Variants in HNF4A observed in about 807,000 individuals in gnomAD.
The protein encoded by HNF4A is hepatocyte nuclear factor 4 alpha, also known as hepatocyte nuclear factor 4-alpha.
HNF4A carries 15 observed loss-of-function variants against 52.4 expected under a neutral mutation model. That is an observed-to-expected ratio of 0.29 (90% confidence interval 0.19 to 0.44). HNF4A has a LOEUF of 0.44. HNF4A is among the 20% of genes least tolerant of loss of function. The pLI, the probability that HNF4A is intolerant of heterozygous loss-of-function variation, is 1.00. For missense variants in HNF4A, 479 were observed against 647.2 expected (o/e 0.74, Z 2.82); for synonymous variants, 280 against 264.4 (o/e 1.06, Z -0.57).
chr20:44,424,238 G>A lies in HNF4A; in HGVS notation c.1113G>A (p.Gln371=), dbSNP rs1161214915. Residue 371 remains glutamine, a synonymous_variant, in exon 8 of 10, where the codon CAG becomes CAA. Coordinates refer to ENST00000316099, the MANE Select transcript of HNF4A (RefSeq NM_000457.6). Reference sequence around the variant, plus strand: ...TGGCCAAGATTGACAACCTGTTGCAGGAGATGCTGCTGGGAGGTCCGTGCC... The same window carrying A: ...TGGCCAAGATTGACAACCTGTTGCAAGAGATGCTGCTGGGAGGTCCGTGCC... 6.2e-7 allele frequency: 1 copy of A among 1,614,058 alleles called. No homozygotes were observed. Among genetic ancestry groups the A allele is most frequent in the African/African-American group, 1.3e-5 (1 of 75,074 alleles).
chr20:44,396,233 A>C (rs2063351983), intron 1 of HNF4A, among the ~76,000 whole-genome samples: 1 of 152,190 alleles, frequency 6.6e-6, no homozygotes, highest in Non-Finnish European at 1.5e-5. Flanking sequence ...CATCATCTTT[A>C]AAATGGGGAT....
intron 1 of HNF4A, among the ~76,000 whole-genome samples, chr20:44,375,176 ATCT>A (rs2063071832): frequency 6.6e-6 from 1 of 152,112 alleles, no homozygotes; most frequent in African/African-American, 2.4e-5. Flanking sequence ...CCGCTTGTAC[ATCT>A]TCTTTTGAGA....
chr20:44,379,795 G>A (rs907601561), intron 1 of HNF4A, among the ~76,000 whole-genome samples: 1 of 148,642 alleles, frequency 6.7e-6, no homozygotes, highest in South Asian at 2.1e-4. Context: ...GTGCAGTGGC[G>A]CGATCTTGGC....
chr20:44,398,902 C>T (rs954041622), upstream of HNF4A, among the ~76,000 whole-genome samples: 17 of 152,184 alleles, frequency 1.1e-4, no homozygotes, highest in African/African-American at 3.1e-4. Context: ...ATCACATTCC[C>T]CGTTAAGCAA....
chr20:44,426,203 T>C (rs984838165), intron 8 of HNF4A, among the ~76,000 whole-genome samples: 1 of 151,940 alleles, frequency 6.6e-6, no homozygotes, highest in African/African-American at 2.4e-5. Context: ...GGTGTTAAAC[T>C]CTACAGAGAA....
At chr20:44,413,836 C>T in intron 4 of HNF4A, 36 bp downstream of exon 4, 3 of 1,419,928 alleles carry the variant, frequency 2.1e-6, no homozygotes, top group Non-Finnish European at 2.0e-6. Flanking sequence ...CCAGGGATCC[C>T]CCACACTACA....
intron 1 of HNF4A, among the ~76,000 whole-genome samples, chr20:44,370,471 A>C (rs2063022833): frequency 6.6e-6 from 1 of 152,268 alleles, no homozygotes; most frequent in South Asian, 2.1e-4. Context: ...CCTTAGTTCA[A>C]ATGTCCTCCA....
At chr20:44,385,857 A>AT (rs1456105123) in intron 1 of HNF4A, among the ~76,000 whole-genome samples, 3 of 149,782 alleles carry the variant, frequency 2.0e-5, no homozygotes, top group Admixed American at 6.7e-5. Flanking sequence ...CAGGCATCTG[A>AT]TTTTTTTTGT....
intron 2 of HNF4A, 67 bp downstream of exon 2, chr20:44,406,299 T>C: frequency 6.8e-7 from 1 of 1,463,700 alleles, no homozygotes; most frequent in South Asian, 1.2e-5. Flanking sequence ...AAGGTCTGTC[T>C]TCTCCCTGAG....
In HNF4A at chr20:44,414,457, G is replaced by T. The variant is rs778517092; in HGVS notation, c.493-50G>T. 1.2e-5 allele frequency: 19 copies of T among 1,613,438 alleles called. No homozygotes were observed. The South Asian group carries it at 2.0e-4, about 17-fold the overall frequency. ...GGGCTCTGTGCAGGGGACAGAGAGT[G>T]CGGGAGGGCCCGGACATCTCCAGCA... On this transcript the variant is annotated intron_variant, in intron 4 of 9. Transcript: ENST00000316099.
At position 44,429,634 on chromosome 20, in the gene HNF4A, A is replaced by G. The variant is rs371132556; in HGVS notation, c.1394A>G (p.Gln465Arg). The G allele has an allele frequency of 1.9e-6, 3 of 1,613,694 alleles. No homozygotes were observed. The highest frequency in any genetic ancestry group is 1.3e-5 in the African/African-American group (1 of 74,892). The change falls in exon 10 of 10, where the codon CAG becomes CGG. Residue 465 changes from glutamine (Q) to arginine (R), a missense_variant. Gln to Arg is a conservative substitution (Grantham distance 43, BLOSUM62 1). Transcript: ENST00000316099. ...GTCAAGCCCCTCTCTGCCATCCCCC[A>G]GCCGACCATCACCAAGCAGGAAGTT... is the stretch of plus-strand genomic sequence containing the variant.
intron 1 of HNF4A, among the ~76,000 whole-genome samples, chr20:44,405,034 GTGTGTGTGCT>G (rs36230418): frequency 4.4e-5 from 5 of 114,872 alleles, no homozygotes; most frequent in South Asian, 3.5e-4. Context: ...TGTGTGGTGC[GTGTGTGTGCT>G]TGTGTGTGGA....
intron 1 of HNF4A, among the ~76,000 whole-genome samples, chr20:44,369,249 CAAAAAAAAA>C (rs751374772): frequency 2.8e-4 from 7 of 24,822 alleles, no homozygotes; most frequent in African/African-American, 9.2e-4. Flanking sequence ...AACTCCATCT[CAAAAAAAAA>C]AAAAAAAAAA....
chr20:44,364,513 C>G (rs1181165789), intron 1 of HNF4A, among the ~76,000 whole-genome samples: 1 of 151,952 alleles, frequency 6.6e-6, no homozygotes, highest in Non-Finnish European at 1.5e-5. Flanking sequence ...CTCTGTCACC[C>G]AGGCTGGAGT....
chr20:44,395,945 G>C (rs112467286), intron 1 of HNF4A, among the ~76,000 whole-genome samples: 7 of 152,270 alleles, frequency 4.6e-5, no homozygotes, highest in Admixed American at 4.6e-4. Flanking sequence ...GTGGCCAGGC[G>C]TGTGGAGGAT....
intron 1 of HNF4A, among the ~76,000 whole-genome samples, chr20:44,368,086 A>ATGTG (rs544910153): frequency 0.15 from 14,983 of 101,784 alleles, 1,334 homozygotes; most frequent in Middle Eastern, 0.23. Context: ...ATATATATAT[A>ATGTG]TGTGTGTGTG....
chr20:44,415,723 G>A (rs1312008150), intron 5 of HNF4A, among the ~76,000 whole-genome samples: 1 of 152,186 alleles, frequency 6.6e-6, no homozygotes, highest in Non-Finnish European at 1.5e-5. Context: ...AAACTCCTTC[G>A]GCAAGATTCT....
intron 1 of HNF4A, among the ~76,000 whole-genome samples, chr20:44,402,298 C>A (rs916322259): frequency 2.0e-5 from 3 of 152,138 alleles, no homozygotes; most frequent in Non-Finnish European, 2.9e-5. Context: ...GCTGTGTGTG[C>A]GGGTCATAGA....
Position 44,419,872 on chromosome 20 carries a change from C to G in HNF4A, c.888C>G (p.Asp296Glu). The G allele has an allele frequency of 6.2e-7, 1 of 1,614,064 alleles. No homozygotes were observed. The highest frequency in any genetic ancestry group is 8.5e-7 in the Non-Finnish European group (1 of 1,179,940). ...ACCTCAAAGCCATCATCTTCTTTGA[C>G]CCAGGTACAGTGCACACCTCCTAAG... is the stretch of plus-strand genomic sequence containing the variant. Residue 296 changes from aspartate (D) to glutamate (E), a missense_variant, in exon 7 of 10, where the codon GAC (aspartate) becomes GAG (glutamate). Asp to Glu is a conservative substitution (Grantham distance 45). Coordinates refer to ENST00000316099, the MANE Select transcript of HNF4A (RefSeq NM_000457.6).
Sources: allele counts gnomAD v4.1 joint callset (sites outside exome capture counted in the v4.1 genomes callset), GRCh38; gene constraint gnomAD v4.1.1; transcripts MANE v1.5; gene names NCBI Gene and HGNC (gene_info 2026-07-23, HGNC 2026-07-21).